BRINP3: variants seen among roughly 807,000 people sequenced by gnomAD.
BRINP3 encodes the protein BMP/retinoic acid-inducible neural-specific protein 3.
A neutral mutation model predicts 71.0 loss-of-function variants in BRINP3; 19 were observed. That is an observed-to-expected ratio of 0.27 (90% confidence interval 0.19 to 0.39). The LOEUF is 0.39. BRINP3 is among the 10% of genes least tolerant of loss of function. BRINP3 has a pLI of 1.00. For missense variants in BRINP3, 959 were observed against 940.8 expected, an observed-to-expected ratio of 1.02 and a Z score of -0.25; for synonymous variants, 380 against 337.7, an observed-to-expected ratio of 1.13 and a Z score of -1.37.
chr1:190,383,632 G>A (rs904076386), intron 2 of BRINP3, among the ~76,000 whole-genome samples: 3 of 151,986 alleles, frequency 2.0e-5, no homozygotes, highest in African/African-American at 7.2e-5. Context: ...CTAGAAAGGA[G>A]TCCTATTTGC....
intron 6 of BRINP3, among the ~76,000 whole-genome samples, chr1:190,174,386 GTTC>G (rs960211239): frequency 6.6e-6 from 1 of 151,986 alleles, no homozygotes; most frequent in Non-Finnish European, 1.5e-5. Flanking sequence ...GAAAAATGTA[GTTC>G]TTCTGAGTAT....
chr1:190,464,876 G>A lies in BRINP3; in HGVS notation c.-50-9936C>T, dbSNP rs184297955. Among the ~76,000 whole-genome samples the A allele has an allele frequency of 1.2e-4, 18 of 152,026 alleles. No homozygotes were observed. The East Asian group carries it at 3.3e-3, about 28-fold the overall frequency. On this transcript the variant is annotated intron_variant, in intron 1 of 7. Coordinates refer to ENST00000367462, the MANE Select transcript of BRINP3 (RefSeq NM_199051.3). ...TTATTTTAGCTGATCAGGCAATATAGTGCCCTGAATTACAGCTTTGTTTTC... is the reference window on the plus strand; with the variant it reads ...TTATTTTAGCTGATCAGGCAATATAATGCCCTGAATTACAGCTTTGTTTTC...
At chr1:190,169,519 T>C (rs926379560) in intron 6 of BRINP3, among the ~76,000 whole-genome samples, 1 of 152,162 alleles carries the variant, frequency 6.6e-6, no homozygotes, top group African/African-American at 2.4e-5. Flanking sequence ...TTTAAATAAA[T>C]TCCTTTCTGC....
intron 6 of BRINP3, among the ~76,000 whole-genome samples, chr1:190,210,795 C>T (rs1438347848): frequency 6.6e-6 from 1 of 152,038 alleles, no homozygotes; most frequent in Non-Finnish European, 1.5e-5. Context: ...TTTGAGTCAG[C>T]GGACTGGGAG....
chr1:190,418,806 T>G (rs1572001411), intron 2 of BRINP3, among the ~76,000 whole-genome samples: 2 of 152,248 alleles, frequency 1.3e-5, no homozygotes, highest in African/African-American at 4.8e-5. Context: ...ATACTCTGGC[T>G]TCATAACCCA....
chr1:190,230,239 T>C (rs1657837152), intron 5 of BRINP3, among the ~76,000 whole-genome samples: 1 of 151,866 alleles, frequency 6.6e-6, no homozygotes, highest in Admixed American at 6.6e-5. Flanking sequence ...AGGAAATAAA[T>C]GATATTTGTT....
intron 2 of BRINP3, among the ~76,000 whole-genome samples, chr1:190,306,075 C>A (rs1369889848): frequency 1.3e-5 from 2 of 151,806 alleles, no homozygotes; most frequent in Non-Finnish European, 2.9e-5. Context: ...TCAGCCATAA[C>A]TTTATATCAA....
intron 1 of BRINP3, among the ~76,000 whole-genome samples, chr1:190,474,147 T>C (rs1246272449): frequency 6.6e-6 from 1 of 152,208 alleles, no homozygotes; most frequent in Non-Finnish European, 1.5e-5. Context: ...CCTTCCCATT[T>C]CTTCCTCTAA....
intron 6 of BRINP3, among the ~76,000 whole-genome samples, chr1:190,186,625 C>A (rs952603127): frequency 1.3e-5 from 2 of 151,992 alleles, no homozygotes; most frequent in Non-Finnish European, 1.5e-5. Flanking sequence ...GCCTGAGTGC[C>A]TTTCCAAAAC....
chr1:190,212,160 A>C (rs1656042437), intron 6 of BRINP3, among the ~76,000 whole-genome samples: 2 of 152,114 alleles, frequency 1.3e-5, no homozygotes, highest in Non-Finnish European at 2.9e-5. Context: ...GCTATGTTAT[A>C]AATACAAGCA....
chr1:190,269,750 T>G (rs1393878514), intron 3 of BRINP3, among the ~76,000 whole-genome samples: 1 of 152,080 alleles, frequency 6.6e-6, no homozygotes, highest in Non-Finnish European at 1.5e-5. Flanking sequence ...TTTGACAACT[T>G]GGGCAAATCT....
At chr1:190,380,552 T>C (rs957880461) in intron 2 of BRINP3, among the ~76,000 whole-genome samples, 3 of 152,122 alleles carry the variant, frequency 2.0e-5, no homozygotes, top group Non-Finnish European at 4.4e-5. Context: ...ATTCTGGAGA[T>C]AGACATTTAG....
At chr1:190,339,604 T>C (rs1367990865) in intron 2 of BRINP3, among the ~76,000 whole-genome samples, 1 of 151,978 alleles carries the variant, frequency 6.6e-6, no homozygotes, top group South Asian at 2.1e-4. Flanking sequence ...CCTTGGGCAA[T>C]GATTTCATTC....
At chr1:190,157,972 T>C (rs1196911406) in intron 7 of BRINP3, among the ~76,000 whole-genome samples, 1 of 152,116 alleles carries the variant, frequency 6.6e-6, no homozygotes, top group Non-Finnish European at 1.5e-5. Context: ...GTAACATGAA[T>C]GCAGCTTGAG....
chr1:190,320,849 AC>A (rs978804008), intron 2 of BRINP3, among the ~76,000 whole-genome samples: 7 of 152,060 alleles, frequency 4.6e-5, no homozygotes, highest in Admixed American at 3.9e-4. Context: ...CTCCACACAG[AC>A]AGTGGCCCTG....
At chr1:190,398,750 A>G (rs979064331) in intron 2 of BRINP3, among the ~76,000 whole-genome samples, 2 of 152,002 alleles carry the variant, frequency 1.3e-5, no homozygotes, top group African/African-American at 4.8e-5. Flanking sequence ...AGAGGTAGGT[A>G]TTATTAATAT....
At chr1:190,200,138 C>T (rs1372718637) in intron 6 of BRINP3, among the ~76,000 whole-genome samples, 1 of 152,198 alleles carries the variant, frequency 6.6e-6, no homozygotes, top group African/African-American at 2.4e-5. Context: ...TCAGAGTCTA[C>T]CTGTGCCTTA....
chr1:190,464,421 A>G (rs1676602948), intron 1 of BRINP3, among the ~76,000 whole-genome samples: 1 of 151,968 alleles, frequency 6.6e-6, no homozygotes, highest in South Asian at 2.1e-4. Flanking sequence ...AAATTTTACA[A>G]TATGCTGTTG....
intron 6 of BRINP3, among the ~76,000 whole-genome samples, chr1:190,207,193 G>A (rs573044165): frequency 2.0e-5 from 3 of 152,014 alleles, no homozygotes; most frequent in Non-Finnish European, 4.4e-5. Flanking sequence ...CATTTGACAA[G>A]CTTACCGCTA....
Sources: allele counts gnomAD v4.1 joint callset (sites outside exome capture counted in the v4.1 genomes callset), GRCh38; gene constraint gnomAD v4.1.1; transcripts MANE v1.5; gene names NCBI Gene and HGNC (gene_info 2026-07-23, HGNC 2026-07-21).